SGTB: variants seen among roughly 807,000 people sequenced by gnomAD.
SGTB encodes small glutamine rich tetratricopeptide repeat co-chaperone beta, also known as small glutamine-rich tetratricopeptide repeat-containing protein beta.
Under a neutral mutation model 43.9 loss-of-function variants are expected in SGTB, and 19 were observed. That is an observed-to-expected ratio of 0.43 (90% CI 0.30 to 0.63). The LOEUF (loss-of-function observed/expected upper bound fraction) is 0.63, where lower values mean the gene tolerates loss of function less well. SGTB is among the 30% of genes least tolerant of loss of function. The pLI is 0.12. For synonymous variants in SGTB, 116 were observed against 117.3 expected, an observed-to-expected ratio of 0.99 and a Z score of 0.07; for missense variants, 304 against 358.9, an observed-to-expected ratio of 0.85 and a Z score of 1.24.
intron 5 of SGTB, among the ~76,000 whole-genome samples, chr5:65,688,189 T>A (rs115603645): frequency 0.012 from 1,794 of 152,194 alleles, 37 homozygotes; most frequent in African/African-American, 0.041. Flanking sequence ...ATAATTTTAT[T>A]ATATATAATA....
At chr5:65,704,049 A>AAAATAAAT (rs1554025723) in intron 5 of SGTB, among the ~76,000 whole-genome samples, 57 of 139,670 alleles carry the variant, frequency 4.1e-4, no homozygotes, top group African/African-American at 1.3e-3. Context: ...AAAAAAAAAA[A>AAAATAAAT]AAATAAATAA....
Position 65,672,160 on chromosome 5 carries a change from C to A in SGTB, c.719+84G>T, listed in dbSNP as rs1446138730. The A allele has an allele frequency of 5.6e-6, 9 of 1,598,126 alleles. No individual in the cohort carries two copies. The Admixed American group carries it at 1.5e-4, about 27-fold the overall frequency. On this transcript the variant is annotated intron_variant, in intron 9 of 10. Coordinates refer to ENST00000381007, the MANE Select transcript of SGTB (RefSeq NM_019072.3). Reference sequence around the variant, plus strand: ...TGACTGTCATTCAGAACAGTTTCATCATTTTTGAGCTGATGTGCTCAAATT... The same window carrying A: ...TGACTGTCATTCAGAACAGTTTCATAATTTTTGAGCTGATGTGCTCAAATT...
Position 65,673,642 on chromosome 5 carries a change from A to C in SGTB, c.682-1361T>G, listed in dbSNP as rs112926256. 7.2e-3 allele frequency among the ~76,000 whole-genome samples: 1,042 copies of C among 145,654 alleles called. 8 individuals carry two copies. The highest frequency in any genetic ancestry group is 0.026 in the African/African-American group (995 of 38,548). On this transcript the variant is annotated intron_variant, in intron 8 of 10. Coordinates refer to ENST00000381007, the MANE Select transcript of SGTB (RefSeq NM_019072.3). ...AGTCCCTGTTACAAAAAGGTTGGGG[A>C]CCGCTGTCCTATAGGGCTATTTTTT... is the stretch of plus-strand genomic sequence containing the variant.
chr5:65,695,462 C>T (rs1289291708), intron 5 of SGTB, among the ~76,000 whole-genome samples: 1 of 152,136 alleles, frequency 6.6e-6, no homozygotes, highest in African/African-American at 2.4e-5. Context: ...AGAAGACAGG[C>T]TATATTTGAA....
At chr5:65,722,762 A>G, upstream of SGTB, 1 of 270,800 alleles carries the variant, frequency 3.7e-6, no homozygotes, top group Middle Eastern at 1.1e-3. Context: ...CAGACCTGTC[A>G]TTAAAAGTGC....
At chr5:65,670,910 G>GC (rs1757141783) in intron 10 of SGTB, among the ~76,000 whole-genome samples, 1 of 152,178 alleles carries the variant, frequency 6.6e-6, no homozygotes, top group Non-Finnish European at 1.5e-5. Context: ...TGGTACTGTG[G>GC]CTTCATATAA....
At chr5:65,675,386 A>C (rs1757247667) in intron 8 of SGTB, among the ~76,000 whole-genome samples, 1 of 152,224 alleles carries the variant, frequency 6.6e-6, no homozygotes, top group Non-Finnish European at 1.5e-5. Flanking sequence ...TTTATGTAAG[A>C]GAGTAGTTTT....
chr5:65,701,661 C>G (rs1460442007), intron 5 of SGTB, among the ~76,000 whole-genome samples: 1 of 132,752 alleles, frequency 7.5e-6, no homozygotes, highest in South Asian at 2.3e-4. Flanking sequence ...GAGACAGAGT[C>G]TCACTCTGTC....
At chr5:65,674,536 G>C (rs1757226049) in intron 8 of SGTB, among the ~76,000 whole-genome samples, 1 of 152,164 alleles carries the variant, frequency 6.6e-6, no homozygotes, top group Non-Finnish European at 1.5e-5. Context: ...TCTCAGTGAG[G>C]GCTTGAGATG....
chr5:65,705,201 G>A (rs2150719075), intron 4 of SGTB, among the ~76,000 whole-genome samples: 1 of 152,000 alleles, frequency 6.6e-6, no homozygotes, highest in South Asian at 2.1e-4. Flanking sequence ...CCAACACTTT[G>A]GGAAGTGAAG....
intron 8 of SGTB, among the ~76,000 whole-genome samples, chr5:65,674,058 G>GAAGC (rs1212631275): frequency 6.6e-6 from 1 of 152,162 alleles, no homozygotes; most frequent in Non-Finnish European, 1.5e-5. Context: ...AGGGAAAGGT[G>GAAGC]AAAGGAGCAG....
chr5:65,700,991 C>A (rs1757803768), intron 5 of SGTB, among the ~76,000 whole-genome samples: 4 of 100,594 alleles, frequency 4.0e-5, no homozygotes, highest in Non-Finnish European at 5.3e-5. Context: ...GCCTGGGCAA[C>A]AGAGCAAGAC....
chr5:65,698,177 C>T (rs1757747788), intron 5 of SGTB, among the ~76,000 whole-genome samples: 2 of 152,142 alleles, frequency 1.3e-5, no homozygotes, highest in Non-Finnish European at 2.9e-5. Context: ...TTAGGTTATA[C>T]AGGTGTATGT....
intron 5 of SGTB, among the ~76,000 whole-genome samples, chr5:65,702,793 A>C (rs1757848929): frequency 6.6e-6 from 1 of 152,202 alleles, no homozygotes; most frequent in African/African-American, 2.4e-5. Flanking sequence ...ATAAATAGAA[A>C]ATTTAGGAAA....
In SGTB at chr5:65,669,951, T is replaced by C. The variant is rs2292152; in HGVS notation, c.*295A>G. The C allele has an allele frequency of 0.034, 8,686 of 259,270 alleles. 249 individuals carry two copies. The highest frequency in any genetic ancestry group is 0.089 in the Middle Eastern group (71 of 800). The allele number at this position is 259,270 out of a possible 1,614,324, so 16.1% of individuals were successfully genotyped here. ...ATATGCTTTGCTATTAAGTCTAATA[T>C]ACAAATATGATAGAAGTTTGAAAAT... On this transcript the variant is annotated 3_prime_UTR_variant, in exon 11 of 11. Transcript: ENST00000381007.
upstream of SGTB, chr5:65,722,185 C>T (rs1758315177): frequency 3.6e-6 from 1 of 276,020 alleles, no homozygotes; most frequent in Non-Finnish European, 6.7e-6. Flanking sequence ...GGGCGGGGCA[C>T]GGCGCGGGGC....
At chr5:65,713,752 G>T (rs961058296) in intron 2 of SGTB, among the ~76,000 whole-genome samples, 2 of 152,202 alleles carry the variant, frequency 1.3e-5, no homozygotes, top group Non-Finnish European at 2.9e-5. Flanking sequence ...ACTCAGCCAA[G>T]TGTGGTGGGT....
rs1554025691 is a variant in SGTB, at chr5:65,704,051, AAT to A, written c.374+226_374+227del. 5.1e-3 allele frequency among the ~76,000 whole-genome samples: 691 copies of A among 135,044 alleles called. 6 individuals carry two copies. Among genetic ancestry groups the A allele is most frequent in the African/African-American group, 0.015 (576 of 37,402 alleles). 88.6% of individuals were successfully genotyped at this position (135,044 alleles called of 152,430 possible). ...ACTCCGTCTCAAAAAAAAAAAAAAA[AAT>A]AAATAAATAAATAAATAAATAAATT... is the stretch of plus-strand genomic sequence containing the variant. On this transcript the variant is annotated intron_variant, in intron 5 of 10. Transcript: ENST00000381007.
rs772691184 is a variant in SGTB at position 65,672,296 on chromosome 5, C to G, written c.682-15G>C. ...AAACTTGCCGCCTGGAATTGAAAAA[C>G]AGCACCTCCCATTAAAGGCAGTTAA... On this transcript the variant is annotated splice_polypyrimidine_tract_variant and intron_variant, in intron 8 of 10. Transcript: ENST00000381007. 2 of 1,613,862 alleles carry G rather than the reference C, an allele frequency of 1.2e-6. No homozygotes were observed. Among genetic ancestry groups the G allele is most frequent in the East Asian group, 4.5e-5 (2 of 44,892 alleles).
Sources: gnomAD v4.1 joint callset for allele counts (sites outside exome capture counted in the v4.1 genomes callset) on GRCh38, gnomAD v4.1.1 for gene constraint, MANE v1.5 for transcripts, NCBI Gene and HGNC (gene_info 2026-07-23, HGNC 2026-07-21) for gene names.